Variants in HAO2 observed in about 807,000 individuals in gnomAD.
The protein encoded by HAO2 is 2-Hydroxyacid oxidase 2.
A neutral mutation model predicts 37.4 loss-of-function variants in HAO2; 42 were observed. The ratio of observed to expected loss-of-function variants is 1.12; its 90% CI spans 0.88 to 1.45. The LOEUF is 1.45. HAO2 is among the 40% of genes most tolerant of loss of function. The pLI is 0.00. For synonymous variants in HAO2, 180 were observed against 162.8 expected, an observed-to-expected ratio of 1.11 and a Z score of -0.81; for missense variants, 476 against 430.2, an observed-to-expected ratio of 1.11 and a Z score of -0.94.
chr1:119,391,429 G>T (rs1650888229), intron 5 of HAO2, among the ~76,000 whole-genome samples: 1 of 152,188 alleles, frequency 6.6e-6, no homozygotes, highest in African/African-American at 2.4e-5. Context: ...CTGTTCCCTG[G>T]AATTGAAGAG....
chr1:119,370,771 G>T (rs941330481), intron 1 of HAO2, among the ~76,000 whole-genome samples: 1 of 152,154 alleles, frequency 6.6e-6, no homozygotes, highest in Admixed American at 6.5e-5. Context: ...GGTAGTTGCC[G>T]TAGACAGAGA....
chr1:119,391,275 C>T (rs1353570501), intron 5 of HAO2, among the ~76,000 whole-genome samples: 1 of 152,088 alleles, frequency 6.6e-6, no homozygotes, highest in African/African-American at 2.4e-5. Flanking sequence ...AGACAAAAAC[C>T]CTGAGGGTGT....
rs748115172 is a variant in HAO2, at chr1:119,383,030, C to A, written c.247C>A (p.Leu83Ile). 6.2e-7 allele frequency: 1 copy of A among 1,613,116 alleles called. No homozygotes were observed. The highest frequency in any genetic ancestry group is 8.5e-7 in the Non-Finnish European group (1 of 1,179,512). Residue 83 changes from leucine to isoleucine, a missense_variant, in exon 3 of 8, where the codon CTT becomes ATT. By Grantham distance (5) the Leu-to-Ile change is conservative. Coordinates refer to ENST00000325945, the MANE Select transcript of HAO2 (RefSeq NM_016527.4). ...ICIAPTGFHCLVWPDGEMSTA... is the reference protein window; with the variant it reads ...ICIAPTGFHCIVWPDGEMSTA... ...TATCGCACCCACAGGGTTCCACTGC[C>A]TTGTCTGGCCTGATGGGGAAATGAG...
intron 3 of HAO2, 151 bp downstream of exon 3, chr1:119,383,217 T>C: frequency 5.2e-6 from 3 of 580,666 alleles, no homozygotes; most frequent in Non-Finnish European, 9.2e-6. Flanking sequence ...TAAAGCTACG[T>C]TTGTGTAACC....
At chr1:119,392,343 T>C in intron 6 of HAO2, 75 bp downstream of exon 6, 3 of 1,264,348 alleles carry the variant, frequency 2.4e-6, no homozygotes, top group Non-Finnish European at 3.4e-6. Flanking sequence ...GTGGTTCATT[T>C]TCCAAGCTTA....
intron 1 of HAO2, among the ~76,000 whole-genome samples, chr1:119,378,230 A>G (rs1570761419): frequency 6.6e-6 from 1 of 152,276 alleles, no homozygotes; most frequent in South Asian, 2.1e-4. Context: ...CGACAGAGTG[A>G]GACTCCATCT....
intron 1 of HAO2, chr1:119,380,670 T>C: frequency 3.2e-6 from 5 of 1,582,622 alleles, no homozygotes; most frequent in Non-Finnish European, 4.3e-6. Flanking sequence ...AGCCTTGAAC[T>C]TTAGGAAGAT....
Position 119,392,580 on chromosome 1 carries a change from T to C in HAO2, c.931-38T>C, listed in dbSNP as rs778015933. ...AGTGGATGGTCAGAATGTTCCTTTA[T>C]GTCTCTTTGTGTCTCTGTCTGTCTG... On this transcript the variant is annotated intron_variant, in intron 6 of 7. Coordinates refer to ENST00000325945, the MANE Select transcript of HAO2 (RefSeq NM_016527.4). The C allele has an allele frequency of 3.0e-6, 4 of 1,344,256 alleles. No homozygotes were observed. In the Admixed American group the frequency reaches 5.0e-5, roughly 17 times the overall value. 83.3% of individuals were successfully genotyped at this position (1,344,256 alleles called of 1,614,324 possible). A position where few individuals can be genotyped will look rare whatever the true frequency, so the allele number is the denominator to read the frequency against.
At chr1:119,392,551 T>C in intron 6 of HAO2, 67 bp from the exon 7 acceptor site, 2 of 1,002,508 alleles carry the variant, frequency 2.0e-6, no homozygotes, top group Non-Finnish European at 3.2e-6. Context: ...CTAGAATTTA[T>C]ACTAGTGGAT....
chr1:119,389,167 T>TATATATATAC (rs1553205803), intron 5 of HAO2, among the ~76,000 whole-genome samples: 2 of 99,970 alleles, frequency 2.0e-5, no homozygotes, highest in Non-Finnish European at 4.2e-5. Flanking sequence ...TATATATATA[T>TATATATATAC]ACACCACAGT....
intron 1 of HAO2, among the ~76,000 whole-genome samples, chr1:119,371,970 C>A (rs587622570): frequency 6.6e-6 from 1 of 152,148 alleles, no homozygotes; most frequent in Non-Finnish European, 1.5e-5. Context: ...CTATGTTCAA[C>A]GCTCTATGGA....
chr1:119,393,366 G>T (rs1651064540), intron 7 of HAO2, among the ~76,000 whole-genome samples: 1 of 152,080 alleles, frequency 6.6e-6, no homozygotes, highest in Admixed American at 6.6e-5. Flanking sequence ...TCCTTTGACA[G>T]AACTTTCCTT....
intron 1 of HAO2, chr1:119,380,358 C>T (rs1390291022): frequency 7.1e-6 from 2 of 283,436 alleles, no homozygotes; most frequent in African/African-American, 4.4e-5. Context: ...TACATTGTTT[C>T]TCAGGTACCC....
At chr1:119,379,032 C>T (rs1428514151) in intron 1 of HAO2, among the ~76,000 whole-genome samples, 3 of 152,118 alleles carry the variant, frequency 2.0e-5, no homozygotes, top group Admixed American at 6.6e-5. Context: ...GCAAAGCAAA[C>T]TTAGCAAAGG....
At chr1:119,392,053 A>T in intron 5 of HAO2, 57 bp from the exon 6 acceptor site, 6 of 1,495,054 alleles carry the variant, frequency 4.0e-6, no homozygotes, top group Admixed American at 2.0e-5. Context: ...TGCCAGGAAG[A>T]CCAAGTCTGA....
chr1:119,384,484 A>G (rs1006532409), intron 3 of HAO2, among the ~76,000 whole-genome samples: 1 of 152,206 alleles, frequency 6.6e-6, no homozygotes, highest in African/African-American at 2.4e-5. Context: ...TCTGAAGGCT[A>G]TAACACAACC....
intron 4 of HAO2, among the ~76,000 whole-genome samples, chr1:119,386,367 C>T (rs1466873618): frequency 6.6e-6 from 1 of 152,068 alleles, no homozygotes; most frequent in East Asian, 1.9e-4. Flanking sequence ...GCATGCACCA[C>T]GATTTATTTT....
chr1:119,370,601 C>T (rs1253244773), intron 1 of HAO2, among the ~76,000 whole-genome samples: 2 of 152,142 alleles, frequency 1.3e-5, no homozygotes, highest in African/African-American at 4.8e-5. Context: ...TGCACAGAAC[C>T]GTGGTGAGCC....
At chr1:119,371,879 C>G (rs747086681) in intron 1 of HAO2, among the ~76,000 whole-genome samples, 10 of 152,194 alleles carry the variant, frequency 6.6e-5, no homozygotes, top group Non-Finnish European at 1.3e-4. Flanking sequence ...AATTATTCCA[C>G]TGTTTGAAAG....
Sources: gnomAD v4.1 joint callset for allele counts (sites outside exome capture counted in the v4.1 genomes callset) on GRCh38, gnomAD v4.1.1 for gene constraint, MANE v1.5 for transcripts, NCBI Gene and HGNC (gene_info 2026-07-23, HGNC 2026-07-21) for gene names.